The following PHF21A variants were observed in gnomAD, a reference collection of about 807,000 sequenced individuals.
PHF21A encodes PHD finger protein 21A, also known as BHC80a.
PHF21A carries 11 observed loss-of-function variants against 82.5 expected under a neutral mutation model. The ratio of observed to expected loss-of-function variants is 0.13; its 90% confidence interval spans 0.08 to 0.22. PHF21A has a LOEUF of 0.22. Ranked by LOEUF, PHF21A falls within the 10% of genes least tolerant of loss-of-function variation. The probability of loss-of-function intolerance (pLI) is 1.00; values close to 1 mark genes in which losing one functional copy is unlikely to be tolerated. For synonymous variants in PHF21A, 297 were observed against 302.8 expected (o/e 0.98, Z 0.20); for missense variants, 579 against 837.8 (o/e 0.69, Z 3.81).
intron 6 of PHF21A, among the ~76,000 whole-genome samples, chr11:45,982,841 T>C (rs980552762): frequency 4.6e-5 from 7 of 151,948 alleles, no homozygotes; most frequent in Admixed American, 4.6e-4. Context: ...GAGGAAATAA[T>C]ACAACATAAA....
intron 6 of PHF21A, among the ~76,000 whole-genome samples, chr11:46,010,284 T>C (rs944336259): frequency 5.3e-5 from 8 of 152,252 alleles, no homozygotes; most frequent in Non-Finnish European, 1.0e-4. Context: ...CAACTATTTT[T>C]AAAATGTCAG....
At chr11:46,018,464 G>C (rs72904370) in intron 6 of PHF21A, among the ~76,000 whole-genome samples, 25,579 of 152,058 alleles carry the variant, frequency 0.17, 2,389 homozygotes, top group Non-Finnish European at 0.21. Flanking sequence ...AGGGGAAAAA[G>C]AAAAGAATCT....
Position 45,934,000 on chromosome 11 carries a change from C to T in PHF21A, c.2014G>A (p.Ala672Thr). The change falls in exon 19 of 19, where the codon GCG becomes ACG. Residue 672 changes from alanine (A) to threonine (T), a missense_variant. Ala to Thr is a moderately conservative substitution (Grantham distance 58, BLOSUM62 0). Transcript: ENST00000676320. ...GTCTCTTCCCCCTGGTTACAGTTCG[C>T]TGTGCAGCTCTGGGAGGAGGGGGAA... Reference protein sequence around the residue: ...APSPSSQSCTANCNQGEETK With the variant: ...APSPSSQSCTTNCNQGEETK 6.3e-7 allele frequency: 1 copy of T among 1,594,110 alleles called. No individual in the cohort carries two copies. Among genetic ancestry groups the T allele is most frequent in the Non-Finnish European group, 8.5e-7 (1 of 1,170,804 alleles).
chr11:45,981,392 CAAA>C (rs59866051), intron 6 of PHF21A, among the ~76,000 whole-genome samples: 7 of 60,292 alleles, frequency 1.2e-4, no homozygotes, highest in Middle Eastern at 0.012. Flanking sequence ...AACCCTGTCT[CAAA>C]AAAAAAAAAA....
intron 1 of PHF21A, among the ~76,000 whole-genome samples, chr11:46,100,374 AC>A (rs2097077913): frequency 1.3e-5 from 2 of 152,152 alleles, no homozygotes; most frequent in Non-Finnish European, 2.9e-5. Context: ...CTTATAAATA[AC>A]GTTAGCTATT....
chr11:45,953,026 A>G (rs1172374180), intron 11 of PHF21A, among the ~76,000 whole-genome samples: 3 of 152,198 alleles, frequency 2.0e-5, no homozygotes, highest in Non-Finnish European at 4.4e-5. Flanking sequence ...TTATGCTTCA[A>G]TGGATTACTT....
intron 1 of PHF21A, among the ~76,000 whole-genome samples, chr11:46,115,749 C>A (rs780253152): frequency 3.9e-5 from 6 of 152,190 alleles, no homozygotes; most frequent in East Asian, 3.9e-4. Flanking sequence ...AGGTCAGAGA[C>A]CTAAAACTTT....
At chr11:45,967,666 T>A (rs765646721) in intron 9 of PHF21A, among the ~76,000 whole-genome samples, 11 of 152,226 alleles carry the variant, frequency 7.2e-5, no homozygotes, top group Non-Finnish European at 1.6e-4. Flanking sequence ...AAATGTCTGA[T>A]GCTATCTTGC....
At chr11:46,051,096 A>G (rs2096357219) in intron 6 of PHF21A, among the ~76,000 whole-genome samples, 1 of 152,192 alleles carries the variant, frequency 6.6e-6, no homozygotes, top group African/African-American at 2.4e-5. Context: ...AGCTTTCTAA[A>G]AGCATAGTTA....
At chr11:46,110,837 G>A (rs2097204472) in intron 1 of PHF21A, among the ~76,000 whole-genome samples, 1 of 150,370 alleles carries the variant, frequency 6.7e-6, no homozygotes, top group Admixed American at 6.6e-5. Flanking sequence ...CCAGGCTGGA[G>A]TGCAATGGCA....
chr11:45,992,614 T>C (rs1320223226), intron 6 of PHF21A, among the ~76,000 whole-genome samples: 1 of 152,190 alleles, frequency 6.6e-6, no homozygotes, highest in East Asian at 1.9e-4. Context: ...AAAATTCAAA[T>C]GGCCTTCTGA....
chr11:46,011,822 A>C (rs2095419684), intron 6 of PHF21A, among the ~76,000 whole-genome samples: 1 of 152,214 alleles, frequency 6.6e-6, no homozygotes, highest in South Asian at 2.1e-4. Flanking sequence ...AATCACTCTT[A>C]ACTCTTACCT....
intron 6 of PHF21A, among the ~76,000 whole-genome samples, chr11:46,067,335 G>A (rs758716021): frequency 1.2e-4 from 18 of 152,132 alleles, no homozygotes; most frequent in African/African-American, 1.7e-4. Flanking sequence ...TCAATGGGGA[G>A]GCGGGCATGA....
rs568272947 is a variant in PHF21A at position 45,992,255 on chromosome 11, C to T, written c.154-12289G>A. ...ACATTACTTAGAAAATTTTTCAGCC[C>T]GGCATGGTGGCTCATGCTTGTAATC... On this transcript the variant is annotated intron_variant, in intron 6 of 18. Transcript: ENST00000676320. Among the ~76,000 whole-genome samples, 6 of 151,990 alleles carry T rather than the reference C, an allele frequency of 3.9e-5. No individual in the cohort carries two copies. The East Asian group carries it at 5.8e-4, about 15-fold the overall frequency.
chr11:46,014,537 G>A (rs1356307623), intron 6 of PHF21A, among the ~76,000 whole-genome samples: 1 of 152,142 alleles, frequency 6.6e-6, no homozygotes, highest in East Asian at 1.9e-4. Flanking sequence ...CCAGTAATGG[G>A]ATTGCTGGGT....
chr11:45,962,084 G>C (rs2093121647), intron 10 of PHF21A, among the ~76,000 whole-genome samples: 1 of 152,188 alleles, frequency 6.6e-6, no homozygotes. Flanking sequence ...CTTCCCTGGA[G>C]ACACAGCCTC....
intron 6 of PHF21A, among the ~76,000 whole-genome samples, chr11:46,061,792 G>A (rs776157376): frequency 9.2e-5 from 14 of 151,916 alleles, no homozygotes; most frequent in South Asian, 2.1e-4. Context: ...CCCTGTTTTC[G>A]GAACCAATGC....
intron 6 of PHF21A, among the ~76,000 whole-genome samples, chr11:46,029,892 C>A (rs1169616824): frequency 6.6e-6 from 1 of 152,136 alleles, no homozygotes; most frequent in Non-Finnish European, 1.5e-5. Context: ...GAATGTGAAT[C>A]CCTAATTGGT....
chr11:46,031,759 G>A (rs1440962715), intron 6 of PHF21A, among the ~76,000 whole-genome samples: 1 of 152,126 alleles, frequency 6.6e-6, no homozygotes, highest in African/African-American at 2.4e-5. Flanking sequence ...GGAAAAGAAT[G>A]CAATAATTTT....
Sources: allele counts gnomAD v4.1 joint callset (sites outside exome capture counted in the v4.1 genomes callset), GRCh38; gene constraint gnomAD v4.1.1; transcripts MANE v1.5; gene names NCBI Gene and HGNC (gene_info 2026-07-23, HGNC 2026-07-21).